Variants in PTPRG observed in about 807,000 individuals in gnomAD.
The protein encoded by PTPRG is protein tyrosine phosphatase receptor type G, also known as receptor-type tyrosine-protein phosphatase gamma.
PTPRG carries 102 observed loss-of-function variants against 165.3 expected under a neutral mutation model. That is an observed-to-expected ratio of 0.62 (90% CI 0.53 to 0.73). The LOEUF (loss-of-function observed/expected upper bound fraction) is 0.73. PTPRG is among the 30% of genes least tolerant of loss of function. The pLI, the probability that PTPRG is intolerant of heterozygous loss-of-function variation, is 0.00. For missense variants in PTPRG, 1,866 were observed against 1,861.4 expected, an observed-to-expected ratio of 1.00 and a Z score of -0.05; for synonymous variants, 675 against 669.5, an observed-to-expected ratio of 1.01 and a Z score of -0.13.
chr3:61,756,633 T>C (rs907266657), intron 2 of PTPRG, among the ~76,000 whole-genome samples: 6 of 152,226 alleles, frequency 3.9e-5, no homozygotes, highest in Admixed American at 3.9e-4. Context: ...GTGGAGGTGG[T>C]TTCACAAGTG....
Position 62,195,140 on chromosome 3 carries a change from A to C in PTPRG, c.1297A>C (p.Ser433Arg). 1 of 1,614,202 alleles carries C rather than the reference A, an allele frequency of 6.2e-7. No individual in the cohort carries two copies. The highest frequency in any genetic ancestry group is 8.5e-7 in the Non-Finnish European group (1 of 1,180,030). ...VQAVCRNDMR[S>R]DFSQTMLFQA... ...GGCCGTGTGTCGGAACGACATGCGC[A>C]GCGACTTTAGCCAGACGATGCTGTT... The change falls in exon 10 of 30, where the codon AGC becomes CGC. Residue 433 changes from serine to arginine, a missense_variant. Ser to Arg is a moderately radical substitution (Grantham distance 110). This residue lies in a region of PTPRG where 1,452 missense variants were observed against 1,463.0 expected (regional missense o/e 0.99). Transcript: ENST00000474889. The surrounding 1 kb of genome is among the most constrained non-coding windows in gnomAD (Gnocchi z 4.4).
intron 2 of PTPRG, among the ~76,000 whole-genome samples, chr3:61,908,776 G>A (rs1038674239): frequency 6.6e-6 from 1 of 152,200 alleles, no homozygotes; most frequent in African/African-American, 2.4e-5. Flanking sequence ...GACATTAAAA[G>A]AAAGAACATC....
At chr3:62,112,301 A>G (rs576859162) in intron 5 of PTPRG, among the ~76,000 whole-genome samples, 1 of 151,992 alleles carries the variant, frequency 6.6e-6, no homozygotes, top group South Asian at 2.1e-4. Context: ...GGCGGGTTTC[A>G]CTATGTTGGC....
chr3:62,203,586 G>C lies in PTPRG; in HGVS notation c.1791G>C (p.Glu597Asp). The C allele has an allele frequency of 6.4e-7, 1 of 1,552,642 alleles. No individual in the cohort carries two copies. The highest frequency in any genetic ancestry group is 1.2e-5 in the South Asian group (1 of 84,168). ...ESEDGEREHEEDGEKDSEKKE... is the reference protein window; with the variant it reads ...ESEDGEREHEDDGEKDSEKKE... ...AGGATGGGGAGCGGGAGCACGAGGAGGATGGAGAGAAGGACTCCGAAAAGA... is the reference window on the plus strand; with the variant it reads ...AGGATGGGGAGCGGGAGCACGAGGACGATGGAGAGAAGGACTCCGAAAAGA... The change falls in exon 12 of 30, where the codon GAG becomes GAC. Residue 597 changes from glutamate to aspartate, a missense_variant. Glu to Asp is a conservative substitution (Grantham distance 45). Coordinates refer to ENST00000474889, the MANE Select transcript of PTPRG (RefSeq NM_002841.4). This position sits in a 1 kb window ranked among gnomAD's most constrained non-coding sequence, Gnocchi z 6.4.
At chr3:62,087,566 T>C (rs1045426175) in intron 5 of PTPRG, among the ~76,000 whole-genome samples, 2 of 152,230 alleles carry the variant, frequency 1.3e-5, no homozygotes, top group Non-Finnish European at 2.9e-5. Flanking sequence ...AAGGTATTAT[T>C]ACCTCCATTT....
chr3:61,659,305 G>A, intron 1 of PTPRG: 1 of 985,324 alleles, frequency 1.0e-6, no homozygotes, highest in Non-Finnish European at 1.2e-6. Context: ...CACTGATGGT[G>A]CAAGTCCAAA....
intron 27 of PTPRG, among the ~76,000 whole-genome samples, chr3:62,281,929 A>G (rs1040433470): frequency 2.0e-5 from 3 of 152,028 alleles, no homozygotes; most frequent in Non-Finnish European, 4.4e-5. Flanking sequence ...CATGCATACA[A>G]ATAGGTCTGT....
Position 61,839,330 on chromosome 3 carries a change from A to G in PTPRG, c.190+90348A>G, listed in dbSNP as rs192333867. Among the ~76,000 whole-genome samples, 23 of 152,364 alleles carry G rather than the reference A, an allele frequency of 1.5e-4. 1 individual carries two copies. Among genetic ancestry groups the G allele is most frequent in the Middle Eastern group, 3.4e-3 (1 of 294 alleles). On this transcript the variant is annotated intron_variant, in intron 2 of 29. Coordinates refer to ENST00000474889, the MANE Select transcript of PTPRG (RefSeq NM_002841.4). ...GTAGAATGAATCTTATTTTAGATGC[A>G]CAGAATGTAGTAGACACAAGAGACT...
At chr3:62,075,320 T>C (rs2106743203) in intron 4 of PTPRG, among the ~76,000 whole-genome samples, 1 of 152,338 alleles carries the variant, frequency 6.6e-6, no homozygotes, top group East Asian at 1.9e-4. Context: ...GAAAGTGAAG[T>C]GTAATTTTCT....
chr3:61,780,050 A>G (rs2034500604), intron 2 of PTPRG, among the ~76,000 whole-genome samples: 1 of 152,240 alleles, frequency 6.6e-6, no homozygotes, highest in Non-Finnish European at 1.5e-5. Flanking sequence ...AAGCCAGACT[A>G]AGACACACTA....
intron 7 of PTPRG, among the ~76,000 whole-genome samples, chr3:62,161,757 T>C (rs1156477513): frequency 6.6e-6 from 1 of 152,232 alleles, no homozygotes; most frequent in Non-Finnish European, 1.5e-5. Flanking sequence ...TTAGATTTTA[T>C]GTTTGCAGCT....
At chr3:61,979,574 A>G (rs1395573997) in intron 2 of PTPRG, among the ~76,000 whole-genome samples, 1 of 152,008 alleles carries the variant, frequency 6.6e-6, no homozygotes, top group Non-Finnish European at 1.5e-5. Flanking sequence ...TATTTCTGCT[A>G]AAATCCCTCT....
intron 2 of PTPRG, among the ~76,000 whole-genome samples, chr3:61,885,271 G>A: frequency 6.6e-6 from 1 of 152,100 alleles, no homozygotes; most frequent in Non-Finnish European, 1.5e-5. Flanking sequence ...TCTCTATTCT[G>A]CTGTTTGTTT....
intron 2 of PTPRG, among the ~76,000 whole-genome samples, chr3:61,927,984 C>T (rs1299842036): frequency 6.6e-6 from 1 of 152,090 alleles, no homozygotes; most frequent in Non-Finnish European, 1.5e-5. Flanking sequence ...ATCTGTAACT[C>T]AGGTGATTTT....
chr3:61,881,020 C>T (rs905743420), intron 2 of PTPRG, among the ~76,000 whole-genome samples: 1 of 149,420 alleles, frequency 6.7e-6, no homozygotes, highest in African/African-American at 2.5e-5. Context: ...TTGTTACCCT[C>T]TTGGCATTCT....
chr3:62,185,182 T>A (rs1705826949), intron 8 of PTPRG, among the ~76,000 whole-genome samples: 1 of 152,024 alleles, frequency 6.6e-6, no homozygotes, highest in Non-Finnish European at 1.5e-5. Context: ...AAGGCAGAAA[T>A]TCTCAGAGCT....
At chr3:62,269,898 A>G (rs965156172) in intron 20 of PTPRG, among the ~76,000 whole-genome samples, 7 of 152,132 alleles carry the variant, frequency 4.6e-5, no homozygotes, top group African/African-American at 1.7e-4. Flanking sequence ...ATTTATAACA[A>G]TGTCTTTTCC....
rs940311720 is a variant in PTPRG at position 62,293,755 on chromosome 3, T to C, written c.*448T>C. 2.7e-4 allele frequency: 42 copies of C among 153,368 alleles called. No individual in the cohort carries two copies. Among genetic ancestry groups the C allele is most frequent in the African/African-American group, 1.0e-3 (42 of 41,578 alleles). The allele number at this position is 153,368 out of a possible 1,614,324, so 9.5% of individuals were successfully genotyped here. ...CTCCTCTCCTTTTTATTTTAGGCAC[T>C]GTTCAATACTGTATGCCTTCTGTAT... is the stretch of plus-strand genomic sequence containing the variant. On this transcript the variant is annotated 3_prime_UTR_variant, in exon 30 of 30. Transcript: ENST00000474889.
chr3:61,956,072 G>A (rs1039468263), intron 2 of PTPRG, among the ~76,000 whole-genome samples: 2 of 145,238 alleles, frequency 1.4e-5, no homozygotes, highest in African/African-American at 2.7e-5. Flanking sequence ...AAGAGCATGT[G>A]GACTAAGGGG....
Sources: gnomAD v4.1 joint callset for allele counts (sites outside exome capture counted in the v4.1 genomes callset) on GRCh38, gnomAD v4.1.1 for gene constraint, gnomAD v4.1.1 regional missense constraint, Gnocchi (gnomAD v3.1) non-coding constraint, MANE v1.5 for transcripts, NCBI Gene and HGNC (gene_info 2026-07-23, HGNC 2026-07-21) for gene names.